The following BRD9 variants were observed in gnomAD, a reference collection of about 807,000 sequenced individuals.
The protein encoded by BRD9 is bromodomain-containing protein 9.
Under a neutral mutation model 68.7 loss-of-function variants are expected in BRD9, and 47 were observed. That is an observed-to-expected ratio of 0.68 (90% CI 0.54 to 0.87). The LOEUF (loss-of-function observed/expected upper bound fraction) is 0.87. Ranked by LOEUF, BRD9 falls within the 40% of genes least tolerant of loss-of-function variation. The pLI, the probability that BRD9 is intolerant of heterozygous loss-of-function variation, is 0.00. For synonymous variants in BRD9, 313 were observed against 293.9 expected, an observed-to-expected ratio of 1.06 and a Z score of -0.67; for missense variants, 670 against 748.4, an observed-to-expected ratio of 0.90 and a Z score of 1.22.
intron 12 of BRD9, among the ~76,000 whole-genome samples, chr5:873,517 C>T (rs1579928993): frequency 1.3e-5 from 2 of 152,202 alleles, no homozygotes; most frequent in Admixed American, 6.5e-5. Flanking sequence ...CCCTTCTAGG[C>T]CAAGCCGACA....
intron 8 of BRD9, chr5:881,485 C>G (rs1056160403): frequency 2.2e-6 from 1 of 450,302 alleles, no homozygotes. Flanking sequence ...CAAAATGGAA[C>G]GGTCAGCAGG....
At chr5:881,599 G>A in intron 8 of BRD9, 1 of 252,766 alleles carries the variant, frequency 4.0e-6, no homozygotes, top group Non-Finnish European at 7.7e-6. Context: ...CTGTGTACAG[G>A]CCATCAGGAG....
At chr5:870,809 C>T (rs745872845) in intron 13 of BRD9, among the ~76,000 whole-genome samples, 9 of 152,186 alleles carry the variant, frequency 5.9e-5, no homozygotes, top group Non-Finnish European at 1.3e-4. Context: ...AGACCAACAA[C>T]GCAAACTAAC....
Position 885,831 on chromosome 5 carries a change from C to G in BRD9, c.833+761G>C, listed in dbSNP as rs1281768284. On this transcript the variant is annotated intron_variant, in intron 7 of 15. Transcript: ENST00000467963. ...TGCCTCTAAGGCCCCTGGCGATACT[C>G]TCGCTTTGTTTGGTCCTATCAGGCA... Among the ~76,000 whole-genome samples, 3 of 152,230 alleles carry G rather than the reference C, an allele frequency of 2.0e-5. No individual in the cohort carries two copies. In the East Asian group the frequency reaches 5.8e-4, roughly 29 times the overall value.
rs969252237 is a variant in BRD9 at position 886,473 on chromosome 5, A to G, written c.833+119T>C. 9 of 1,025,968 alleles carry G rather than the reference A, an allele frequency of 8.8e-6. No individual in the cohort carries two copies. In the African/African-American group the frequency reaches 1.1e-4, roughly 13 times the overall value. The allele number at this position is 1,025,968 out of a possible 1,614,324, so 63.6% of individuals were successfully genotyped here. ...TCCTGCCAGAATAAGCTACACCAAG[A>G]ATGTCTATGTGACATGACATCCGTT... On this transcript the variant is annotated intron_variant, in intron 7 of 15. Transcript: ENST00000467963.
chr5:883,808 C>A, intron 8 of BRD9, 130 bp downstream of exon 8: 1 of 1,329,364 alleles, frequency 7.5e-7, no homozygotes, highest in Non-Finnish European at 1.0e-6. Context: ...CCGGACCTCC[C>A]GTCAGGGCCC....
At chr5:883,032 G>A (rs1752022574) in intron 8 of BRD9, 1 of 325,470 alleles carries the variant, frequency 3.1e-6, no homozygotes, top group South Asian at 2.5e-5. Flanking sequence ...CAACACGCAA[G>A]CCATACAGAC....
intron 12 of BRD9, 43 bp from the exon 13 acceptor site, chr5:871,607 T>C: frequency 5.1e-6 from 8 of 1,582,896 alleles, no homozygotes; most frequent in Non-Finnish European, 6.9e-6. Context: ...TCCAGAGTGA[T>C]TTCATAGAAA....
chr5:886,950 A>G (rs1017323333), intron 6 of BRD9: 8 of 598,558 alleles, frequency 1.3e-5, no homozygotes, highest in African/African-American at 1.1e-4. Context: ...CAGGTGCCGC[A>G]CCTCCCCTTT....
chr5:878,828 C>G, intron 10 of BRD9: 2 of 277,128 alleles, frequency 7.2e-6, no homozygotes, highest in South Asian at 5.3e-5. Flanking sequence ...ACCGCAGGGA[C>G]CACGCCTGCC....
chr5:869,241 T>C (rs1424211511), intron 14 of BRD9: 4 of 451,274 alleles, frequency 8.9e-6, no homozygotes, highest in Admixed American at 7.1e-5. Flanking sequence ...GGGACTGGAC[T>C]TGCCTCATTA....
Position 889,173 on chromosome 5 carries a change from CAA to C in BRD9, c.462-10_462-9del, listed in dbSNP as rs1752983412. 6.2e-7 allele frequency: 1 copy of C among 1,605,852 alleles called. No individual in the cohort carries two copies. The highest frequency in any genetic ancestry group is 8.5e-7 in the Non-Finnish European group (1 of 1,178,150). ...AATCCATGGGGATCTTTTCTGAAAG[CAA>C]AGACATCTTAAAGCGGAAAAATCTA... On this transcript the variant is annotated splice_polypyrimidine_tract_variant and intron_variant, in intron 4 of 15. Coordinates refer to ENST00000467963, the MANE Select transcript of BRD9 (RefSeq NM_023924.5).
intron 12 of BRD9, 78 bp downstream of exon 12, chr5:876,023 T>A (rs1750860825): frequency 9.0e-6 from 9 of 996,872 alleles, no homozygotes; most frequent in Non-Finnish European, 1.4e-5. Context: ...CCCGAAAGCC[T>A]GGTCAGGCTG....
chr5:882,732 T>G lies in BRD9; in HGVS notation c.966+1206A>C, dbSNP rs1299398194. ...CATAAGCCACACAGACCACAGCAAC[T>G]TCCCAACACGCAAGCCACGCAAACT... On this transcript the variant is annotated intron_variant, in intron 8 of 15. Transcript: ENST00000467963. Among the ~76,000 whole-genome samples, 3 of 142,248 alleles carry G rather than the reference T, an allele frequency of 2.1e-5. No homozygotes were observed. The South Asian group carries it at 6.9e-4, about 33-fold the overall frequency. 93.3% of individuals were successfully genotyped at this position (142,248 alleles called of 152,430 possible). A position where few individuals can be genotyped will look rare whatever the true frequency, so the allele number is the denominator to read the frequency against.
intron 14 of BRD9, among the ~76,000 whole-genome samples, chr5:866,942 C>T (rs140819528): frequency 0.016 from 2,406 of 152,332 alleles, 24 homozygotes; most frequent in Non-Finnish European, 0.026. Flanking sequence ...AGGCTGCAGA[C>T]ATTTGCGTAA....
At chr5:891,010 C>T (rs1358112319) in intron 3 of BRD9, 145 bp downstream of exon 3, 9 of 1,063,870 alleles carry the variant, frequency 8.5e-6, no homozygotes, top group South Asian at 2.1e-5. Flanking sequence ...AACCTCAGGC[C>T]AGAGGACACC....
At chr5:892,011 G>T in intron 1 of BRD9, 157 bp from the exon 2 acceptor site, 1 of 1,178,958 alleles carries the variant, frequency 8.5e-7, no homozygotes, top group Non-Finnish European at 1.2e-6. Flanking sequence ...CACAGTGGCG[G>T]CATGTCACTG....
At chr5:889,189 C>G (rs73733988) in intron 4 of BRD9, 24 bp from the exon 5 acceptor site, 1 of 1,596,762 alleles carries the variant, frequency 6.3e-7, no homozygotes, top group Non-Finnish European at 8.5e-7. Context: ...CATCTTAAAG[C>G]GGAAAAATCT....
At position 887,503 on chromosome 5, in the gene BRD9, T is replaced by C. The variant is rs143306265; in HGVS notation, c.607-32A>G. 4.4e-4 allele frequency: 671 copies of C among 1,530,542 alleles called. 2 individuals are homozygous for C. The African/African-American group carries it at 6.8e-3, about 15-fold the overall frequency. The allele number at this position is 1,530,542 out of a possible 1,614,324, so 94.8% of individuals were successfully genotyped here. On this transcript the variant is annotated intron_variant, in intron 5 of 15. Coordinates refer to ENST00000467963, the MANE Select transcript of BRD9 (RefSeq NM_023924.5). ...AGAAAACAGGAAAGACTTATCAGGT[T>C]TGAAATGCCACAGACAACAGCAAAG...
Sources: gnomAD v4.1 joint callset for allele counts (sites outside exome capture counted in the v4.1 genomes callset) on GRCh38, gnomAD v4.1.1 for gene constraint, MANE v1.5 for transcripts, NCBI Gene and HGNC (gene_info 2026-07-23, HGNC 2026-07-21) for gene names.